The following HS6ST2 variants were observed in gnomAD, a reference collection of about 807,000 sequenced individuals.
The protein encoded by HS6ST2 is heparan-sulfate 6-O-sulfotransferase 2.
Under a neutral mutation model 33.0 loss-of-function variants are expected in HS6ST2, and 17 were observed. The ratio of observed to expected loss-of-function variants is 0.52; its 90% CI spans 0.35 to 0.77. HS6ST2 has a LOEUF of 0.77. Among genes scored for constraint, HS6ST2 ranks in the 30% least tolerant of loss-of-function variants. The pLI, the probability that HS6ST2 is intolerant of heterozygous loss-of-function variation, is 0.01. For synonymous variants in HS6ST2, 248 were observed against 237.1 expected (o/e 1.05, Z -0.42); for missense variants, 519 against 551.7 (o/e 0.94, Z 0.59).
At chrX:132,919,001 T>C (rs2066623133) in intron 2 of HS6ST2, among the ~76,000 whole-genome samples, 1 of 112,144 alleles carries the variant, frequency 8.9e-6, no homozygotes, top group Non-Finnish European at 1.9e-5. Context: ...CTTTACAAAA[T>C]TACCTTCCCA....
At chrX:132,957,389 G>A in intron 1 of HS6ST2, 63 bp from the exon 2 acceptor site, 1 of 1,069,917 alleles carries the variant, frequency 9.3e-7, no homozygotes, top group Non-Finnish European at 1.2e-6. Flanking sequence ...TCGTGCCCCC[G>A]CACCGCCCCC....
intron 3 of HS6ST2, among the ~76,000 whole-genome samples, chrX:132,678,936 G>C (rs1348942751): frequency 8.9e-6 from 1 of 112,291 alleles, no homozygotes; most frequent in Non-Finnish European, 1.9e-5. Context: ...ATGCTTAACT[G>C]AGCCAAAGAG....
chrX:132,786,654 G>A (rs1373656610), intron 2 of HS6ST2, among the ~76,000 whole-genome samples: 1 of 103,218 alleles, frequency 9.7e-6, no homozygotes, highest in Non-Finnish European at 2.0e-5. Context: ...TTTCGCTCTT[G>A]TTACCTAGGC....
At chrX:132,700,533 C>CATATATATATAT (rs201749878) in intron 3 of HS6ST2, among the ~76,000 whole-genome samples, 1 of 102,127 alleles carries the variant, frequency 9.8e-6, no homozygotes, top group African/African-American at 3.6e-5. Context: ...CACATAAGAT[C>CATATATATATAT]ATATATATAT....
intron 2 of HS6ST2, among the ~76,000 whole-genome samples, chrX:132,711,474 T>C (rs1451761202): frequency 9.0e-6 from 1 of 111,616 alleles, no homozygotes; most frequent in African/African-American, 3.3e-5. Flanking sequence ...CTTGGGCAAA[T>C]TCTCTTCTCC....
At chrX:132,880,383 A>C in intron 2 of HS6ST2, among the ~76,000 whole-genome samples, 1 of 109,835 alleles carries the variant, frequency 9.1e-6, no homozygotes, top group Non-Finnish European at 1.9e-5. Flanking sequence ...TAAAAATACA[A>C]AAATTAGCTG....
chrX:132,794,574 G>GATGATGATGATT (rs916088563), intron 2 of HS6ST2, among the ~76,000 whole-genome samples: 116 of 99,067 alleles, frequency 1.2e-3, no homozygotes, highest in African/African-American at 4.0e-3. Context: ...TGATGATGAT[G>GATGATGATGATT]ATTATTATTA....
intron 2 of HS6ST2, among the ~76,000 whole-genome samples, chrX:132,855,459 C>T (rs1392044064): frequency 4.5e-5 from 5 of 112,166 alleles, no homozygotes; most frequent in Non-Finnish European, 7.5e-5. Flanking sequence ...CATAAATTCC[C>T]CAGTGCCTGA....
chrX:132,741,301 TG>T (rs914396105), intron 2 of HS6ST2, among the ~76,000 whole-genome samples: 8 of 106,426 alleles, frequency 7.5e-5, no homozygotes, highest in South Asian at 4.1e-4. Flanking sequence ...TTTTTGGTTT[TG>T]TTTTTTTTTT....
At chrX:132,671,206 T>G (rs1429349866) in intron 3 of HS6ST2, among the ~76,000 whole-genome samples, 1 of 112,390 alleles carries the variant, frequency 8.9e-6, no homozygotes, top group African/African-American at 3.2e-5. Flanking sequence ...CATAGCCTGA[T>G]GCAAAGAATG....
intron 2 of HS6ST2, among the ~76,000 whole-genome samples, chrX:132,792,829 T>C (rs931962360): frequency 3.6e-5 from 4 of 110,917 alleles, no homozygotes; most frequent in African/African-American, 1.3e-4. Flanking sequence ...CATATATCAG[T>C]CCTGTTTATG....
intron 2 of HS6ST2, among the ~76,000 whole-genome samples, chrX:132,794,057 C>T (rs1467164393): frequency 8.9e-6 from 1 of 112,857 alleles, no homozygotes; most frequent in Non-Finnish European, 1.9e-5. Context: ...CGTGCATACG[C>T]TGTGAGTAGA....
Position 132,865,067 on chromosome X carries a change from G to A in HS6ST2, c.947+91741C>T, listed in dbSNP as rs561904125. On this transcript the variant is annotated intron_variant, in intron 2 of 4. Coordinates refer to ENST00000370833, the MANE Select transcript of HS6ST2 (RefSeq NM_001394073.1). ...ATGTATACATGTGTCATGCTGGTGC[G>A]CTGCACCCACTAACTCGTCATCCAG... Among the ~76,000 whole-genome samples, 58 of 109,114 alleles carry A rather than the reference G, an allele frequency of 5.3e-4. No homozygotes were observed. In the Middle Eastern group the frequency reaches 0.014, roughly 26 times the overall value. The allele number at this position is 109,114 out of a possible 115,157, so 94.8% of individuals were successfully genotyped here.
In HS6ST2 at chrX:132,939,021, T is replaced by C. The variant is rs780751697; in HGVS notation, c.947+17787A>G. Reference sequence around the variant, plus strand: ...GGTGGAAGGTGAAGGGAAGCCAGTGTGTCACATGGCAAGAGAGGGAGCAAG... The same window carrying C: ...GGTGGAAGGTGAAGGGAAGCCAGTGCGTCACATGGCAAGAGAGGGAGCAAG... On this transcript the variant is annotated intron_variant, in intron 2 of 4. Transcript: ENST00000370833. Among the ~76,000 whole-genome samples the C allele has an allele frequency of 3.5e-4, 39 of 111,516 alleles. No homozygotes were observed. In the South Asian group the frequency reaches 0.015, roughly 43 times the overall value.
chrX:132,865,780 T>G (rs1196196315), intron 2 of HS6ST2, among the ~76,000 whole-genome samples: 4 of 112,205 alleles, frequency 3.6e-5, no homozygotes, highest in Non-Finnish European at 5.6e-5. Context: ...TGTCTTCTTT[T>G]GAGAAGTGTC....
At chrX:132,787,790 CTGAGGCCGGAGAATCACT>C (rs924608004) in intron 2 of HS6ST2, among the ~76,000 whole-genome samples, 14 of 107,825 alleles carry the variant, frequency 1.3e-4, no homozygotes, top group Non-Finnish European at 3.8e-5. Flanking sequence ...GCTCAGGAGG[CTGAGGCCGGAGAATCACT>C]TGAACCCGGG....
intron 2 of HS6ST2, among the ~76,000 whole-genome samples, chrX:132,757,135 G>C (rs982569419): frequency 9.0e-6 from 1 of 111,431 alleles, no homozygotes; most frequent in African/African-American, 3.3e-5. Flanking sequence ...GTCACAAGGA[G>C]CATCCTCTGG....
intron 2 of HS6ST2, among the ~76,000 whole-genome samples, chrX:132,782,170 A>C (rs1163634494): frequency 8.9e-6 from 1 of 112,260 alleles, no homozygotes; most frequent in Non-Finnish European, 1.9e-5. Context: ...AATCTCCAAA[A>C]GGAAACAAAA....
intron 4 of HS6ST2, among the ~76,000 whole-genome samples, chrX:132,651,255 T>C (rs1418378457): frequency 8.9e-6 from 1 of 111,829 alleles, no homozygotes; most frequent in Non-Finnish European, 1.9e-5. Context: ...GACAGGGAAG[T>C]TTTGCTTGGA....
Sources: allele counts gnomAD v4.1 joint callset (sites outside exome capture counted in the v4.1 genomes callset), GRCh38; gene constraint gnomAD v4.1.1; transcripts MANE v1.5; gene names NCBI Gene and HGNC (gene_info 2026-07-23, HGNC 2026-07-21).